Variants in GREB1L observed in about 807,000 individuals in gnomAD.
GREB1L encodes the protein GREB1-like protein.
In GREB1L, 17 loss-of-function variants were observed where a neutral mutation model predicts 200.8. The ratio of observed to expected loss-of-function variants is 0.08; its 90% confidence interval spans 0.06 to 0.13. The LOEUF is 0.13. GREB1L is among the 10% of genes least tolerant of loss of function. GREB1L has a pLI of 1.00. For synonymous variants in GREB1L, 789 were observed against 893.0 expected (o/e 0.88, Z 2.08); for missense variants, 1,657 against 2,367.7 (o/e 0.70, Z 6.23).
At chr18:21,494,659 C>T (rs1307620146) in intron 19 of GREB1L, among the ~76,000 whole-genome samples, 1 of 152,022 alleles carries the variant, frequency 6.6e-6, no homozygotes, top group Non-Finnish European at 1.5e-5. Context: ...CACCTTGCTT[C>T]TTAGTCTGTT....
chr18:21,423,172 G>C (rs1005824516), intron 7 of GREB1L, among the ~76,000 whole-genome samples: 12 of 152,134 alleles, frequency 7.9e-5, no homozygotes, highest in African/African-American at 2.9e-4. Context: ...CTTGTGATTT[G>C]CCCGCCTGAG....
chr18:21,309,117 G>C (rs1011128456), intron 1 of GREB1L, among the ~76,000 whole-genome samples: 1 of 152,140 alleles, frequency 6.6e-6, no homozygotes, highest in Non-Finnish European at 1.5e-5. Flanking sequence ...ATATACTTCA[G>C]AAGAAGGAGC....
chr18:21,307,760 G>T (rs2038725276), intron 1 of GREB1L, among the ~76,000 whole-genome samples: 1 of 152,096 alleles, frequency 6.6e-6, no homozygotes, highest in South Asian at 2.1e-4. Context: ...GGGGCGGGGG[G>T]GAGGAGTGAG....
intron 5 of GREB1L, 112 bp from the exon 6 acceptor site, chr18:21,401,038 A>G: frequency 1.2e-6 from 1 of 821,512 alleles, no homozygotes. Flanking sequence ...TATTTCCTTG[A>G]GATTGAGACA....
chr18:21,432,986 C>A (rs1238330611), intron 7 of GREB1L, among the ~76,000 whole-genome samples: 1 of 152,082 alleles, frequency 6.6e-6, no homozygotes, highest in Non-Finnish European at 1.5e-5. Flanking sequence ...GGATTACAGG[C>A]ATGAGCCACT....
At chr18:21,469,896 A>G (rs536489330) in intron 15 of GREB1L, among the ~76,000 whole-genome samples, 4 of 152,324 alleles carry the variant, frequency 2.6e-5, no homozygotes, top group East Asian at 1.9e-4. Context: ...CAGTGAGACA[A>G]ACCTCTCCCA....
chr18:21,500,559 A>G lies in GREB1L; in HGVS notation c.3989A>G (p.Tyr1330Cys), dbSNP rs1319415582. 4.5e-6 allele frequency: 7 copies of G among 1,550,622 alleles called. No individual in the cohort carries two copies. The highest frequency in any genetic ancestry group is 1.4e-5 in the African/African-American group (1 of 72,988). Residue 1330 changes from tyrosine to cysteine, a missense_variant, in exon 23 of 33, where the codon TAT becomes TGT. This residue lies in a region of GREB1L where 512 missense variants were observed against 668.3 expected (regional missense o/e 0.77). Coordinates refer to ENST00000424526, the MANE Select transcript of GREB1L (RefSeq NM_001142966.3). Reference protein sequence around the residue: ...GPPQVGKTGSYLQFLRILFRM... With the variant: ...GPPQVGKTGSCLQFLRILFRM... Reference sequence around the variant, plus strand: ...CATTAGGTGGGAAAGACGGGCTCCTATTTACAGTTCCTCAGGATCCTCTTC... The same window carrying G: ...CATTAGGTGGGAAAGACGGGCTCCTGTTTACAGTTCCTCAGGATCCTCTTC...
chr18:21,475,422 C>T (rs1291033556), intron 16 of GREB1L, among the ~76,000 whole-genome samples: 1 of 152,072 alleles, frequency 6.6e-6, no homozygotes, highest in East Asian at 1.9e-4. Context: ...TGCAGTGATG[C>T]GATCTCGGCT....
chr18:21,491,866 T>C (rs1044743243), intron 19 of GREB1L, among the ~76,000 whole-genome samples: 1 of 152,166 alleles, frequency 6.6e-6, no homozygotes, highest in African/African-American at 2.4e-5. Flanking sequence ...TAGAAACTCC[T>C]AAATTTAGAA....
At chr18:21,282,118 T>A (rs889805692) in intron 1 of GREB1L, among the ~76,000 whole-genome samples, 9 of 151,280 alleles carry the variant, frequency 5.9e-5, no homozygotes, top group African/African-American at 1.2e-4. Flanking sequence ...ACGAAAAATT[T>A]AAAAAAAAGA....
chr18:21,269,105 G>C (rs1238262782), intron 1 of GREB1L, among the ~76,000 whole-genome samples: 1 of 152,142 alleles, frequency 6.6e-6, no homozygotes, highest in Non-Finnish European at 1.5e-5. Flanking sequence ...ATTAATACGT[G>C]TACTGTAATG....
intron 25 of GREB1L, among the ~76,000 whole-genome samples, chr18:21,507,766 G>C (rs1486907529): frequency 6.6e-6 from 1 of 152,182 alleles, no homozygotes; most frequent in Non-Finnish European, 1.5e-5. Context: ...CGATTAACAG[G>C]GGACCTTTAG....
intron 30 of GREB1L, 57 bp downstream of exon 30, chr18:21,516,811 C>T: frequency 7.7e-6 from 11 of 1,420,442 alleles, no homozygotes; most frequent in East Asian, 2.7e-5. Context: ...TAATGACTAT[C>T]TTTGTTATTA....
At position 21,381,204 on chromosome 18, in the gene GREB1L, T is replaced by C. The variant is rs571786611; in HGVS notation, c.-9-2306T>C. On this transcript the variant is annotated intron_variant, in intron 2 of 32. Transcript: ENST00000424526. ...TTGCAGTGAGCCGAGATAGTGCCACTGAACTCCAGCCTGGACGACAGAGCG... is the reference window on the plus strand; with the variant it reads ...TTGCAGTGAGCCGAGATAGTGCCACCGAACTCCAGCCTGGACGACAGAGCG... Among the ~76,000 whole-genome samples the C allele has an allele frequency of 1.2e-4, 19 of 152,126 alleles. No homozygotes were observed. The East Asian group carries it at 3.5e-3, about 28-fold the overall frequency.
At chr18:21,325,719 T>A (rs2039012332) in intron 1 of GREB1L, among the ~76,000 whole-genome samples, 1 of 140,780 alleles carries the variant, frequency 7.1e-6, no homozygotes, top group African/African-American at 2.6e-5. Context: ...AGAGCTGAGG[T>A]GGGAGGATCA....
chr18:21,365,712 G>GGTA (rs2039663122), intron 1 of GREB1L, among the ~76,000 whole-genome samples: 1 of 152,022 alleles, frequency 6.6e-6, no homozygotes, highest in African/African-American at 2.4e-5. Context: ...TTGATATTAT[G>GGTA]GTAACATCTG....
chr18:21,325,135 A>G (rs2039003384), intron 1 of GREB1L, among the ~76,000 whole-genome samples: 1 of 152,174 alleles, frequency 6.6e-6, no homozygotes, highest in Non-Finnish European at 1.5e-5. Flanking sequence ...GAGCTTCCTA[A>G]TGACACTGAA....
At chr18:21,502,207 C>T (rs867938112) in intron 23 of GREB1L, among the ~76,000 whole-genome samples, 17 of 151,206 alleles carry the variant, frequency 1.1e-4, no homozygotes, top group Admixed American at 7.2e-4. Flanking sequence ...GTTGAGATCA[C>T]GCCACTGCAC....
chr18:21,456,415 G>T (rs1007735012), intron 15 of GREB1L, among the ~76,000 whole-genome samples: 1 of 152,176 alleles, frequency 6.6e-6, no homozygotes, highest in Non-Finnish European at 1.5e-5. Flanking sequence ...CATTCCATGC[G>T]TGTATCAAAT....
Sources: gnomAD v4.1 joint callset for allele counts (sites outside exome capture counted in the v4.1 genomes callset) on GRCh38, gnomAD v4.1.1 for gene constraint, gnomAD v4.1.1 regional missense constraint, MANE v1.5 for transcripts, NCBI Gene and HGNC (gene_info 2026-07-23, HGNC 2026-07-21) for gene names.